NEGR1: variants seen among roughly 807,000 people sequenced by gnomAD.
The protein encoded by NEGR1 is neuronal growth regulator 1.
NEGR1 carries 10 observed loss-of-function variants against 40.9 expected under a neutral mutation model. That is an observed-to-expected ratio of 0.24 (90% CI 0.15 to 0.42). The LOEUF is 0.42. NEGR1 is among the 10% of genes least tolerant of loss of function. The pLI is 1.00. For synonymous variants in NEGR1, 185 were observed against 166.8 expected, an observed-to-expected ratio of 1.11 and a Z score of -0.84; for missense variants, 352 against 438.9, an observed-to-expected ratio of 0.80 and a Z score of 1.77.
chr1:71,842,141 C>T (rs985034368), intron 2 of NEGR1, among the ~76,000 whole-genome samples: 4 of 152,140 alleles, frequency 2.6e-5, no homozygotes, highest in African/African-American at 9.7e-5. Context: ...TCCCATTGAT[C>T]ATGATATTCT....
intron 6 of NEGR1, among the ~76,000 whole-genome samples, chr1:71,503,233 C>T (rs976896839): frequency 6.6e-6 from 1 of 152,090 alleles, no homozygotes; most frequent in Non-Finnish European, 1.5e-5. Context: ...TTTGGGTGTG[C>T]CAAGCTTTAA....
chr1:71,925,497 C>A (rs539195295), intron 2 of NEGR1, among the ~76,000 whole-genome samples: 1 of 152,258 alleles, frequency 6.6e-6, no homozygotes, highest in South Asian at 2.1e-4. Flanking sequence ...GCTTTGCCAC[C>A]AGTTTTAATT....
At chr1:72,228,008 G>C (rs1382520129) in intron 1 of NEGR1, among the ~76,000 whole-genome samples, 1 of 152,012 alleles carries the variant, frequency 6.6e-6, no homozygotes, top group Non-Finnish European at 1.5e-5. Flanking sequence ...AACGTTATTG[G>C]TATTAATGAG....
chr1:72,155,934 A>G (rs1481423242), intron 1 of NEGR1, among the ~76,000 whole-genome samples: 1 of 152,184 alleles, frequency 6.6e-6, no homozygotes, highest in Admixed American at 6.6e-5. Context: ...GCAGGTCTCA[A>G]TGAAATGTCA....
At chr1:71,752,419 A>G (rs12755637) in intron 3 of NEGR1, among the ~76,000 whole-genome samples, 1 of 152,134 alleles carries the variant, frequency 6.6e-6, no homozygotes, top group African/African-American at 2.4e-5. Flanking sequence ...TTGACTCCTG[A>G]TCTAGAGGAA....
At chr1:71,642,614 C>CA (rs879672787) in intron 4 of NEGR1, among the ~76,000 whole-genome samples, 169 of 140,544 alleles carry the variant, frequency 1.2e-3, no homozygotes, top group Middle Eastern at 3.7e-3. Flanking sequence ...ACTATGCAGT[C>CA]AAAAAAAAAA....
At chr1:71,921,026 A>T (rs901611394) in intron 2 of NEGR1, among the ~76,000 whole-genome samples, 6 of 152,228 alleles carry the variant, frequency 3.9e-5, no homozygotes, top group Non-Finnish European at 8.8e-5. Flanking sequence ...CCCAAGGCTC[A>T]CATAAATGCC....
At chr1:71,753,348 T>C (rs1319411134) in intron 3 of NEGR1, among the ~76,000 whole-genome samples, 3 of 152,158 alleles carry the variant, frequency 2.0e-5, no homozygotes, top group Non-Finnish European at 4.4e-5. Context: ...GTAAGTATAA[T>C]GAGGATCGAG....
intron 1 of NEGR1, among the ~76,000 whole-genome samples, chr1:72,240,284 A>G (rs371352394): frequency 6.6e-6 from 1 of 151,862 alleles, no homozygotes; most frequent in East Asian, 1.9e-4. Context: ...TGCAATGAAA[A>G]GAAAGTATCT....
At chr1:71,883,464 A>G (rs950803074) in intron 2 of NEGR1, among the ~76,000 whole-genome samples, 2 of 152,182 alleles carry the variant, frequency 1.3e-5, no homozygotes, top group African/African-American at 2.4e-5. Flanking sequence ...TTACAGATAA[A>G]TAATTGAACA....
chr1:71,572,442 A>G (rs1247131057), intron 6 of NEGR1, among the ~76,000 whole-genome samples: 1 of 152,220 alleles, frequency 6.6e-6, no homozygotes, highest in Non-Finnish European at 1.5e-5. Context: ...TATTTTCAGT[A>G]TTCTGAACAG....
chr1:71,928,427 T>C (rs964195001), intron 2 of NEGR1, among the ~76,000 whole-genome samples: 4 of 85,968 alleles, frequency 4.7e-5, no homozygotes, highest in Non-Finnish European at 7.0e-5. Context: ...TACACACATA[T>C]GTATATATAC....
intron 6 of NEGR1, among the ~76,000 whole-genome samples, chr1:71,507,067 A>G (rs1647039823): frequency 6.6e-6 from 1 of 152,252 alleles, no homozygotes; most frequent in Admixed American, 6.5e-5. Context: ...GAATTCATAC[A>G]TGGAGAACTG....
At chr1:71,668,115 G>C (rs1245327832) in intron 4 of NEGR1, among the ~76,000 whole-genome samples, 1 of 152,014 alleles carries the variant, frequency 6.6e-6, no homozygotes, top group Admixed American at 6.6e-5. Flanking sequence ...TTTTCATTGG[G>C]TTTAACTAAA....
At chr1:71,861,634 T>C (rs1346810177) in intron 2 of NEGR1, among the ~76,000 whole-genome samples, 1 of 152,064 alleles carries the variant, frequency 6.6e-6, no homozygotes, top group Non-Finnish European at 1.5e-5. Flanking sequence ...GAATAACTTG[T>C]GCTAAGAAAG....
At chr1:72,117,162 T>C (rs1649614159) in intron 1 of NEGR1, among the ~76,000 whole-genome samples, 1 of 151,858 alleles carries the variant, frequency 6.6e-6, no homozygotes, top group Admixed American at 6.6e-5. Context: ...CATGTTAAAA[T>C]ACAGTGGAGC....
chr1:72,090,183 C>T (rs1298802561), intron 1 of NEGR1, among the ~76,000 whole-genome samples: 1 of 151,858 alleles, frequency 6.6e-6, no homozygotes, highest in Admixed American at 6.6e-5. Flanking sequence ...ATCATTTCCC[C>T]TGGGCTATTG....
At chr1:72,195,368 C>T (rs572601541) in intron 1 of NEGR1, among the ~76,000 whole-genome samples, 139 of 151,960 alleles carry the variant, frequency 9.1e-4, no homozygotes, top group African/African-American at 3.0e-3. Context: ...AGTGGTGGGC[C>T]TAAACTGCTT....
At chr1:71,709,065 A>T (rs1157402271) in intron 3 of NEGR1, among the ~76,000 whole-genome samples, 1 of 152,212 alleles carries the variant, frequency 6.6e-6, no homozygotes, top group African/African-American at 2.4e-5. Context: ...ATACAGGTGC[A>T]TGTGTCTTTA....
Sources: gnomAD v4.1 joint callset for allele counts (sites outside exome capture counted in the v4.1 genomes callset) on GRCh38, gnomAD v4.1.1 for gene constraint, MANE v1.5 for transcripts, NCBI Gene and HGNC (gene_info 2026-07-23, HGNC 2026-07-21) for gene names.